Variants in DGAT1 observed in about 807,000 individuals in gnomAD.
The protein encoded by DGAT1 is diacylglycerol O-acyltransferase 1.
A neutral mutation model predicts 72.6 loss-of-function variants in DGAT1; 60 were observed. The observed-to-expected ratio is 0.83, with a 90% CI of 0.67 to 1.02. The LOEUF (loss-of-function observed/expected upper bound fraction) is 1.02, where lower values mean the gene tolerates loss of function less well. DGAT1 is among the 50% of genes least tolerant of loss of function. DGAT1 has a pLI of 0.00. For synonymous variants in DGAT1, 290 were observed against 267.5 expected (o/e 1.08, Z -0.82); for missense variants, 592 against 670.0 (o/e 0.88, Z 1.29).
rs782460170 is a variant in DGAT1, at chr8:144,315,666, G to A, written c.*888C>T. 5 of 967,488 alleles carry A rather than the reference G, an allele frequency of 5.2e-6. No homozygotes were observed. Among genetic ancestry groups the A allele is most frequent in the Non-Finnish European group, 6.1e-6 (5 of 813,520 alleles). 59.9% of individuals were successfully genotyped at this position (967,488 alleles called of 1,614,324 possible). A position where few individuals can be genotyped will look rare whatever the true frequency, so the allele number is the denominator to read the frequency against. On this transcript the variant is annotated 3_prime_UTR_variant, in exon 17 of 17. Coordinates refer to ENST00000528718, the MANE Select transcript of DGAT1 (RefSeq NM_012079.6). ...AACAAGGTGTCCTGAAGGCTGCAGG[G>A]CTGCGCTGTCTGCACTGCCCAGCCT...
At chr8:144,317,490 C>T in intron 12 of DGAT1, 45 bp from the exon 13 acceptor site, 1 of 1,613,702 alleles carries the variant, frequency 6.2e-7, no homozygotes, top group South Asian at 1.1e-5. Context: ...GAACCTTCCC[C>T]CACATGCCAC....
chr8:144,315,884 C>T lies in DGAT1; in HGVS notation c.*670G>A, dbSNP rs1447572831. 4 of 985,622 alleles carry T rather than the reference C, an allele frequency of 4.1e-6. No individual in the cohort carries two copies. The highest frequency in any genetic ancestry group is 4.8e-6 in the Non-Finnish European group (4 of 830,172). The allele number at this position is 985,622 out of a possible 1,614,324, so 61.1% of individuals were successfully genotyped here. A position where few individuals can be genotyped will look rare whatever the true frequency, so the allele number is the denominator to read the frequency against. On this transcript the variant is annotated 3_prime_UTR_variant, in exon 17 of 17. Transcript: ENST00000528718. ...TTGTGTACCGTAGCCCCTCGGCTCA[C>T]CAGACCCACACCAGAAAGGCCCTGT... is the stretch of plus-strand genomic sequence containing the variant.
At chr8:144,318,986 G>T (rs782599203) in intron 3 of DGAT1, 42 bp downstream of exon 3, 3 of 1,063,910 alleles carry the variant, frequency 2.8e-6, no homozygotes, top group Admixed American at 4.4e-5. Flanking sequence ...GCCTGGACAG[G>T]CCATGGGTGG....
At position 144,318,089 on chromosome 8, in the gene DGAT1, C is replaced by T; in HGVS notation, c.751+6G>A. On this transcript the variant is annotated splice_donor_region_variant and intron_variant, in intron 8 of 16. Coordinates refer to ENST00000528718, the MANE Select transcript of DGAT1 (RefSeq NM_012079.6). ...CCCCGCACCTCAGGCCCACAGAGGT[C>T]CTCACCGCGGTAGGTCAGATTGTCC... 1 of 1,527,160 alleles carries T rather than the reference C, an allele frequency of 6.5e-7. No individual in the cohort carries two copies. Among genetic ancestry groups the T allele is most frequent in the Non-Finnish European group, 8.8e-7 (1 of 1,138,320 alleles). 94.6% of individuals were successfully genotyped at this position (1,527,160 alleles called of 1,614,324 possible). A position where few individuals can be genotyped will look rare whatever the true frequency, so the allele number is the denominator to read the frequency against.
Position 144,326,804 on chromosome 8 carries a change from G to C in DGAT1, c.-168C>G. ...AGCGCGTTCAACCCGCCCGCGTCGG[G>C]CCCGTCGGCCTCAAGGACAACGGCT... On this transcript the variant is annotated 5_prime_UTR_variant, in exon 1 of 17. Coordinates refer to ENST00000528718, the MANE Select transcript of DGAT1 (RefSeq NM_012079.6). The C allele has an allele frequency of 7.7e-6, 3 of 391,634 alleles. No individual in the cohort carries two copies. The highest frequency in any genetic ancestry group is 1.1e-5 in the Non-Finnish European group (3 of 265,312). The allele number at this position is 391,634 out of a possible 1,614,324, so 24.3% of individuals were successfully genotyped here.
rs149384210 is a variant in DGAT1, at chr8:144,317,416, G to C, written c.1011C>G (p.Phe337Leu). 2 of 1,613,886 alleles carry C rather than the reference G, an allele frequency of 1.2e-6. No individual in the cohort carries two copies. Among genetic ancestry groups the C allele is most frequent in the South Asian group, 1.1e-5 (1 of 91,080 alleles). The change falls in exon 13 of 17, where the codon TTC becomes TTG. Residue 337 changes from phenylalanine (F) to leucine (L), a missense_variant. By Grantham distance (22) the Phe-to-Leu change is conservative. Transcript: ENST00000528718. ...AVPNHLIWLI[F>L]FYWLFHSCLN... ...GGCAGGAGTGGAAGAGCCAGTAGAA[G>C]AAGATGAGCCAGATGAGGTGATTGG...
rs1817303375 is a variant in DGAT1 at position 144,317,968 on chromosome 8, A to T, written c.801T>A (p.Phe267Leu). The change falls in exon 9 of 17, where the codon TTT becomes TTA. Residue 267 changes from phenylalanine (F) to leucine (L), a missense_variant. Phe to Leu is a conservative substitution (Grantham distance 22). Coordinates refer to ENST00000528718, the MANE Select transcript of DGAT1 (RefSeq NM_012079.6). Reference protein sequence around the residue: ...FAPTLCYELNFPRSPRIRKRF... With the variant: ...FAPTLCYELNLPRSPRIRKRF... ...GCTTCCGGATGCGGGGAGAGCGGGGAAAGTTGAGCTCGTAGCACAAGGTGG... is the reference window on the plus strand; with the variant it reads ...GCTTCCGGATGCGGGGAGAGCGGGGTAAGTTGAGCTCGTAGCACAAGGTGG... 6 of 1,519,638 alleles carry T rather than the reference A, an allele frequency of 3.9e-6. No individual in the cohort carries two copies. The highest frequency in any genetic ancestry group is 5.3e-6 in the Non-Finnish European group (6 of 1,136,282). The allele number at this position is 1,519,638 out of a possible 1,614,324, so 94.1% of individuals were successfully genotyped here.
Position 144,317,053 on chromosome 8 carries a change from C to T in DGAT1, c.1217G>A (p.Gly406Glu). 6.2e-7 allele frequency: 1 copy of T among 1,612,750 alleles called. No individual in the cohort carries two copies. ...GAAGAAGGCCGAGGCCAGGAACACC[C>T]CTGTCCTGGCCATCCACTTGCTGCT... ...RGSSKWMART[G>E]VFLASAFFHE... Residue 406 changes from glycine to glutamate, a missense_variant, in exon 15 of 17, where the codon GGG becomes GAG. By Grantham distance (98) the Gly-to-Glu change is moderately conservative. Coordinates refer to ENST00000528718, the MANE Select transcript of DGAT1 (RefSeq NM_012079.6).
At chr8:144,323,220 C>A (rs1289243449) in intron 1 of DGAT1, among the ~76,000 whole-genome samples, 1 of 152,176 alleles carries the variant, frequency 6.6e-6, no homozygotes, top group African/African-American at 2.4e-5. Flanking sequence ...CTGGCTTTAT[C>A]CATGCCCATC....
In DGAT1 at chr8:144,316,880, G is replaced by A; in HGVS notation, c.1284C>T (p.Leu428=). ...LVSVPLRMFR[L]WAFTGMMAQI... is the part of the protein sequence containing the mutation. ...GAGCCATCATGCCCGTGAACGCCCA[G>A]AGGCGGAACATTCGCAGAGGGACGC... The change falls in exon 16 of 17, where the codon CTC becomes CTT. Residue 428 remains leucine (L), a synonymous_variant. Transcript: ENST00000528718. The A allele has an allele frequency of 6.2e-7, 1 of 1,611,856 alleles. No individual in the cohort carries two copies. Among genetic ancestry groups the A allele is most frequent in the African/African-American group, 1.3e-5 (1 of 75,054 alleles).
intron 1 of DGAT1, among the ~76,000 whole-genome samples, chr8:144,322,858 C>A (rs2130540024): frequency 6.6e-6 from 1 of 152,324 alleles, no homozygotes; most frequent in South Asian, 2.1e-4. Flanking sequence ...ACCAGAGCCT[C>A]CCTCCTCCCC....
In DGAT1 at chr8:144,314,618, C is replaced by T. The variant is rs994363386; in HGVS notation, c.*1936G>A. On this transcript the variant is annotated 3_prime_UTR_variant, in exon 17 of 17. Coordinates refer to ENST00000528718, the MANE Select transcript of DGAT1 (RefSeq NM_012079.6). ...GTCAGAATTGTATTTTGGATTTTTA[C>T]ACAACTGTCCCGTTCCCCGCTCCAC... 1.2e-5 allele frequency: 6 copies of T among 494,976 alleles called. No homozygotes were observed. The highest frequency in any genetic ancestry group is 1.1e-4 in the African/African-American group (6 of 52,280). 30.7% of individuals were successfully genotyped at this position (494,976 alleles called of 1,614,324 possible). A position where few individuals can be genotyped will look rare whatever the true frequency, so the allele number is the denominator to read the frequency against.
Position 144,316,782 on chromosome 8 carries a change from G to A in DGAT1, c.1311+71C>T, listed in dbSNP as rs565992234. 74 of 1,596,490 alleles carry A rather than the reference G, an allele frequency of 4.6e-5. No homozygotes were observed. In the South Asian group the frequency reaches 7.9e-4, roughly 17 times the overall value. On this transcript the variant is annotated intron_variant, in intron 16 of 16. Transcript: ENST00000528718. The stretch of plus-strand genomic sequence containing the variant: ...GGGGGCTTCAGGGTCCCTGGGCATG[G>A]GGAGGGTCAGCCGAGGGGTTCAGGT...
Position 144,324,865 on chromosome 8 carries a change from C to T in DGAT1, c.200+1572G>A, listed in dbSNP as rs187127997. On this transcript the variant is annotated intron_variant, in intron 1 of 16. Transcript: ENST00000528718. ...GGTGGATCACCTGAGTTCAGGAGTT[C>T]GAGACCAGCCTGACCAACATGGAGA... Among the ~76,000 whole-genome samples, 516 of 152,132 alleles carry T rather than the reference C, an allele frequency of 3.4e-3. 7 individuals carry two copies. The highest frequency in any genetic ancestry group is 0.014 in the Middle Eastern group (4 of 294).
rs868936483 is a variant in DGAT1, at chr8:144,319,035, G to A, written c.322C>T (p.Leu108Phe). Residue 108 changes from leucine to phenylalanine, a missense_variant, in exon 3 of 17, where the codon CTC becomes TTC. Transcript: ENST00000528718. ...LSNARLFLEN[L>F]IKYGILVDPI... ...CCTGGCAAAGGCACTCACTTGATGA[G>A]GTTCTCCAGAAATAACCGGGCATTG... is the stretch of plus-strand genomic sequence containing the variant. The A allele has an allele frequency of 6.4e-7, 1 of 1,558,582 alleles. No homozygotes were observed. Among genetic ancestry groups the A allele is most frequent in the Non-Finnish European group, 8.7e-7 (1 of 1,151,230 alleles).
chr8:144,326,111 G>A (rs915920677), intron 1 of DGAT1, among the ~76,000 whole-genome samples: 9 of 152,076 alleles, frequency 5.9e-5, no homozygotes, highest in African/African-American at 2.2e-4. Context: ...CATATAAGGG[G>A]ACACTGTCCA....
intron 1 of DGAT1, among the ~76,000 whole-genome samples, chr8:144,322,311 A>AC (rs1383605090): frequency 6.6e-6 from 1 of 151,948 alleles, no homozygotes; most frequent in Non-Finnish European, 1.5e-5. Flanking sequence ...GGCCCGCCTC[A>AC]CCCCCCATCT....
rs782488453 is a variant in DGAT1, at chr8:144,325,418, C to A, written c.200+1019G>T. On this transcript the variant is annotated intron_variant, in intron 1 of 16. Transcript: ENST00000528718. ...CCCCAACCCCCTCCCCATGGTGCCC[C>A]GTGAAGGAAAGCTCTGTTCTTGCTC... Among the ~76,000 whole-genome samples, 96 of 152,318 alleles carry A rather than the reference C, an allele frequency of 6.3e-4. 1 individual carries two copies. The Middle Eastern group carries it at 0.01, about 16-fold the overall frequency.
rs1314769088 is a variant in DGAT1 at position 144,326,796 on chromosome 8, C to T, written c.-160G>A. On this transcript the variant is annotated 5_prime_UTR_variant, in exon 1 of 17. Transcript: ENST00000528718. ...GCCTCACCAGCGCGTTCAACCCGCC[C>T]GCGTCGGGCCCGTCGGCCTCAAGGA... 4.1e-6 allele frequency: 2 copies of T among 488,464 alleles called. No homozygotes were observed. The highest frequency in any genetic ancestry group is 5.7e-6 in the Non-Finnish European group (2 of 353,162). 30.3% of individuals were successfully genotyped at this position (488,464 alleles called of 1,614,324 possible). A position where few individuals can be genotyped will look rare whatever the true frequency, so the allele number is the denominator to read the frequency against.
Sources: allele counts gnomAD v4.1 joint callset (sites outside exome capture counted in the v4.1 genomes callset), GRCh38; gene constraint gnomAD v4.1.1; transcripts MANE v1.5; gene names NCBI Gene and HGNC (gene_info 2026-07-23, HGNC 2026-07-21).